WT1: variants seen among roughly 807,000 people sequenced by gnomAD.
WT1 encodes the protein Wilms tumor protein.
A neutral mutation model predicts 60.8 loss-of-function variants in WT1; 8 were observed. The ratio of observed to expected loss-of-function variants is 0.13; its 90% CI spans 0.08 to 0.24. WT1 has a LOEUF of 0.24. WT1 is among the 10% of genes least tolerant of loss of function. The pLI is 1.00. For synonymous variants in WT1, 312 were observed against 297.1 expected, an observed-to-expected ratio of 1.05 and a Z score of -0.52; for missense variants, 568 against 711.8, an observed-to-expected ratio of 0.80 and a Z score of 2.30.
chr11:32,412,555 G>C (rs1049644032), intron 5 of WT1, among the ~76,000 whole-genome samples: 1 of 151,924 alleles, frequency 6.6e-6, no homozygotes, highest in Non-Finnish European at 1.5e-5. Flanking sequence ...AACAGGGTAG[G>C]AGAGGCTTGT....
chr11:32,416,708 G>A lies in WT1; in HGVS notation c.966-168C>T, dbSNP rs189103407. 5.9e-5 allele frequency among the ~76,000 whole-genome samples: 9 copies of A among 152,220 alleles called. No homozygotes were observed. In the East Asian group the frequency reaches 1.7e-3, roughly 29 times the overall value. ...GTCCCACTGGGGCCAATGGTGGGGTGGAAGGCACCACCGGAGGCTGCAAAG... is the reference window on the plus strand; with the variant it reads ...GTCCCACTGGGGCCAATGGTGGGGTAGAAGGCACCACCGGAGGCTGCAAAG... On this transcript the variant is annotated intron_variant, in intron 4 of 9. Coordinates refer to ENST00000452863, the MANE Select transcript of WT1 (RefSeq NM_024426.6).
chr11:32,397,830 G>A lies in WT1; in HGVS notation c.1114-1423C>T, dbSNP rs537944504. Among the ~76,000 whole-genome samples, 5 of 152,294 alleles carry A rather than the reference G, an allele frequency of 3.3e-5. No individual in the cohort carries two copies. In the East Asian group the frequency reaches 7.7e-4, roughly 24 times the overall value. On this transcript the variant is annotated intron_variant, in intron 6 of 9. Transcript: ENST00000452863. The stretch of plus-strand genomic sequence containing the variant: ...GATGTTAATAGGCCATAGTGTCTCA[G>A]GGATAATGAAGGCATAAAATTAAAT...
intron 5 of WT1, among the ~76,000 whole-genome samples, chr11:32,407,560 T>C (rs1458026746): frequency 6.6e-6 from 1 of 152,062 alleles, no homozygotes; most frequent in Non-Finnish European, 1.5e-5. Context: ...CTCCGTCTTC[T>C]CCCCTCTGCA....
intron 9 of WT1, 80 bp from the exon 10 acceptor site, chr11:32,389,259 C>A: frequency 1.2e-6 from 2 of 1,607,974 alleles, no homozygotes; most frequent in South Asian, 2.2e-5. Context: ...CGAGTGAAGT[C>A]ATCACAAGGC....
At position 32,435,278 on chromosome 11, in the gene WT1, C is replaced by T. The variant is rs751641518; in HGVS notation, c.83G>A (p.Gly28Glu). Residue 28 changes from glycine to glutamate, a missense_variant, in exon 1 of 10, where the codon GGG (glycine) becomes GAG (glutamate). Around this residue, in one of 3 missense-constraint regions of WT1, gnomAD observed 523 missense variants for 565.1 expected, o/e 0.93. Transcript: ENST00000452863. ...CTGCTGCTCTGGCTGCTGTAGGCACCCAGGCCCGGAGCGGAGCGTGTGCTG... is the reference window on the plus strand; with the variant it reads ...CTGCTGCTCTGGCTGCTGTAGGCACTCAGGCCCGGAGCGGAGCGTGTGCTG... 28 of 1,534,266 alleles carry T rather than the reference C, an allele frequency of 1.8e-5. No individual in the cohort carries two copies. Among genetic ancestry groups the T allele is most frequent in the Non-Finnish European group, 2.6e-6 (3 of 1,146,822 alleles).
Position 32,388,676 on chromosome 11 carries a change from T to TC in WT1, c.*381dup. 1 of 361,494 alleles carries TC rather than the reference T, an allele frequency of 2.8e-6. No individual in the cohort carries two copies. The highest frequency in any genetic ancestry group is 5.1e-6 in the Non-Finnish European group (1 of 194,546). 22.4% of individuals were successfully genotyped at this position (361,494 alleles called of 1,614,324 possible). A position where few individuals can be genotyped will look rare whatever the true frequency, so the allele number is the denominator to read the frequency against. ...TACACATGCCCTGGCCTATAAATAT[T>TC]CCATGATAGAAAATGGTACAATAAT... On this transcript the variant is annotated 3_prime_UTR_variant, in exon 10 of 10. Transcript: ENST00000452863.
In WT1 at chr11:32,399,998, A is replaced by G. The variant is rs142059681; in HGVS notation, c.1063T>C (p.Cys355Arg). Residue 355 changes from cysteine to arginine, a missense_variant, in exon 6 of 10, where the codon TGC (cysteine) becomes CGC (arginine). Physicochemically the swap from Cys to Arg is radical, Grantham distance 180 (BLOSUM62 -3). Transcript: ENST00000452863. The stretch of plus-strand genomic sequence containing the variant: ...GTGTGTATTCTGTATTGGGCTCCGC[A>G]GAGGATGGGCGTTGTGTGGTTATCG... The G allele has an allele frequency of 7.8e-4, 1,259 of 1,614,120 alleles. No individual in the cohort carries two copies. The highest frequency in any genetic ancestry group is 9.7e-4 in the Non-Finnish European group (1,139 of 1,180,054).
intron 5 of WT1, among the ~76,000 whole-genome samples, chr11:32,409,515 G>A (rs754044559): frequency 9.9e-5 from 15 of 152,080 alleles, no homozygotes; most frequent in Non-Finnish European, 2.2e-4. Context: ...CTGGAGTGCA[G>A]TGGCATCATC....
At chr11:32,432,641 C>T (rs1302400608) in intron 1 of WT1, among the ~76,000 whole-genome samples, 1 of 152,144 alleles carries the variant, frequency 6.6e-6, no homozygotes, top group Admixed American at 6.5e-5. Flanking sequence ...AGTCCTGGTC[C>T]CCTTTTAACT....
chr11:32,427,048 G>A (rs1590392124), intron 3 of WT1, among the ~76,000 whole-genome samples: 1 of 152,198 alleles, frequency 6.6e-6, no homozygotes, highest in South Asian at 2.1e-4. Flanking sequence ...GGGTTTGGGG[G>A]CAGCCGGTGT....
chr11:32,388,921 G>A lies in WT1; in HGVS notation c.*137C>T, dbSNP rs966701159. 5.2e-5 allele frequency: 77 copies of A among 1,491,860 alleles called. 1 individual carries two copies. In the South Asian group the frequency reaches 5.4e-4, roughly 10 times the overall value. The allele number at this position is 1,491,860 out of a possible 1,614,324, so 92.4% of individuals were successfully genotyped here. ...ACACCTGGTAGTTTCCAGAAGCACC[G>A]GTATCTTGTCTTGGAAGTTGGATGA... On this transcript the variant is annotated 3_prime_UTR_variant, in exon 10 of 10. Coordinates refer to ENST00000452863, the MANE Select transcript of WT1 (RefSeq NM_024426.6).
Position 32,430,491 on chromosome 11 carries a change from A to AGAGAGAGAGAGG in WT1, c.662-1873_662-1872insCCTCTCTCTCTC, listed in dbSNP as rs757737927. On this transcript the variant is annotated intron_variant, in intron 1 of 9. Coordinates refer to ENST00000452863, the MANE Select transcript of WT1 (RefSeq NM_024426.6). ...GAGAGAGAGAGAGAGAGAGAGAGAG[A>AGAGAGAGAGAGG]CGAAATAGAAGCTACGAAGAAGTTT... 71 of 1,561,504 alleles carry AGAGAGAGAGAGG rather than the reference A, an allele frequency of 4.5e-5. 1 individual carries two copies. The African/African-American group carries it at 9.2e-4, about 20-fold the overall frequency.
At chr11:32,399,156 CAAAAAA>C (rs890562481) in intron 6 of WT1, among the ~76,000 whole-genome samples, 1 of 54,372 alleles carries the variant, frequency 1.8e-5, no homozygotes, top group Non-Finnish European at 3.7e-5. Context: ...ACTCCCATCT[CAAAAAA>C]AAAAAAAAGA....
intron 3 of WT1, among the ~76,000 whole-genome samples, chr11:32,421,517 T>C (rs1433166414): frequency 6.6e-6 from 1 of 152,146 alleles, no homozygotes; most frequent in Non-Finnish European, 1.5e-5. Context: ...TTGTTTCCTA[T>C]GTAAGAATGT....
At chr11:32,434,554 G>A in intron 1 of WT1, 146 bp downstream of exon 1, 2 of 1,479,322 alleles carry the variant, frequency 1.4e-6, no homozygotes, top group South Asian at 2.7e-5. Flanking sequence ...CTCCTCCCCA[G>A]CCGCCGCTTC....
In WT1 at chr11:32,405,310, G is replaced by A. The variant is rs376795651; in HGVS notation, c.1017-5266C>T. ...TTCTCAAAGAAAAGTAGGAAATCTG[G>A]ACTTTTTTGAGAGCACCTGAGTTAT... is the stretch of plus-strand genomic sequence containing the variant. On this transcript the variant is annotated intron_variant, in intron 5 of 9. Coordinates refer to ENST00000452863, the MANE Select transcript of WT1 (RefSeq NM_024426.6). Among the ~76,000 whole-genome samples, 22 of 152,170 alleles carry A rather than the reference G, an allele frequency of 1.4e-4. No homozygotes were observed. In the East Asian group the frequency reaches 3.3e-3, roughly 23 times the overall value.
At chr11:32,425,023 C>T (rs1445256171) in intron 3 of WT1, among the ~76,000 whole-genome samples, 1 of 151,976 alleles carries the variant, frequency 6.6e-6, no homozygotes, top group Non-Finnish European at 1.5e-5. Context: ...ACTAAAAATA[C>T]AAAAATTAGC....
chr11:32,389,554 G>A (rs5030311), intron 9 of WT1, among the ~76,000 whole-genome samples: 22,428 of 152,082 alleles, frequency 0.15, 2,456 homozygotes, highest in African/African-American at 0.31. Flanking sequence ...AGTAAGTTGG[G>A]AACTGAGATG....
intron 3 of WT1, among the ~76,000 whole-genome samples, chr11:32,426,055 T>G (rs547638447): frequency 6.6e-6 from 1 of 152,196 alleles, no homozygotes; most frequent in African/African-American, 2.4e-5. Context: ...GGTCCTCTGA[T>G]GGACCCCTTC....
Sources: gnomAD v4.1 joint callset for allele counts (sites outside exome capture counted in the v4.1 genomes callset) on GRCh38, gnomAD v4.1.1 for gene constraint, gnomAD v4.1.1 regional missense constraint, MANE v1.5 for transcripts, NCBI Gene and HGNC (gene_info 2026-07-23, HGNC 2026-07-21) for gene names.